The following LIMCH1 variants were observed in gnomAD, a reference collection of about 807,000 sequenced individuals.
LIMCH1 encodes LIM and calponin homology domains-containing protein 1.
In LIMCH1, 113 loss-of-function variants were observed where a neutral mutation model predicts 176.5. The ratio of observed to expected loss-of-function variants is 0.64; its 90% CI spans 0.55 to 0.75. LIMCH1 has a LOEUF of 0.75. LIMCH1 is among the 30% of genes least tolerant of loss of function. The pLI is 0.00. For missense variants in LIMCH1, 1,674 were observed against 1,814.9 expected (o/e 0.92, Z 1.41); for synonymous variants, 619 against 645.9 (o/e 0.96, Z 0.63).
intron 2 of LIMCH1, among the ~76,000 whole-genome samples, chr4:41,510,800 G>A (rs1433937676): frequency 6.6e-6 from 1 of 152,122 alleles, no homozygotes; most frequent in African/African-American, 2.4e-5. Flanking sequence ...TGTTGGGCAG[G>A]CTGGTCTCGA....
chr4:41,687,758 T>C, intron 28 of LIMCH1, 82 bp from the exon 29 acceptor site: 1 of 844,856 alleles, frequency 1.2e-6, no homozygotes, highest in East Asian at 2.5e-5. Flanking sequence ...TATTTTATTT[T>C]CCTAATCTAA....
intron 1 of LIMCH1, among the ~76,000 whole-genome samples, chr4:41,588,789 C>T (rs899903052): frequency 2.6e-5 from 4 of 152,168 alleles, no homozygotes; most frequent in South Asian, 4.1e-4. Flanking sequence ...TGGCAGAGAC[C>T]GAGAGCCTGT....
intron 23 of LIMCH1, among the ~76,000 whole-genome samples, chr4:41,677,356 C>T (rs746285447): frequency 6.6e-5 from 10 of 151,696 alleles, no homozygotes; most frequent in Non-Finnish European, 1.3e-4. Flanking sequence ...TGCAGTGAGC[C>T]GAGATCACGC....
chr4:41,465,365 C>T (rs2065962440), intron 1 of LIMCH1, among the ~76,000 whole-genome samples: 1 of 152,162 alleles, frequency 6.6e-6, no homozygotes, highest in South Asian at 2.1e-4. Flanking sequence ...TCAAGTCCCG[C>T]TGCCAGCACA....
At chr4:41,582,300 C>T (rs1227862761) in intron 1 of LIMCH1, among the ~76,000 whole-genome samples, 2 of 152,156 alleles carry the variant, frequency 1.3e-5, no homozygotes, top group African/African-American at 4.8e-5. Flanking sequence ...GAATCATGAT[C>T]CACAGGCACA....
intron 1 of LIMCH1, among the ~76,000 whole-genome samples, chr4:41,494,148 A>G (rs1235503241): frequency 1.3e-5 from 2 of 152,182 alleles, no homozygotes; most frequent in African/African-American, 4.8e-5. Flanking sequence ...GGTAGTAAAT[A>G]GAAAAAAAGG....
chr4:41,401,858 C>A (rs1316977978), intron 1 of LIMCH1, among the ~76,000 whole-genome samples: 3 of 152,114 alleles, frequency 2.0e-5, no homozygotes, highest in African/African-American at 7.2e-5. Flanking sequence ...TATAAGAATG[C>A]TTGTGATTTT....
chr4:41,385,434 G>C (rs2056357699), intron 1 of LIMCH1, among the ~76,000 whole-genome samples: 2 of 152,056 alleles, frequency 1.3e-5, no homozygotes, highest in Admixed American at 6.6e-5. Flanking sequence ...ATCATCATGG[G>C]TTTCCTTAAA....
At chr4:41,651,968 T>G (rs1257242753) in intron 18 of LIMCH1, among the ~76,000 whole-genome samples, 2 of 152,210 alleles carry the variant, frequency 1.3e-5, no homozygotes. Flanking sequence ...AGCCCTGCTT[T>G]CGGGGTACGG....
intron 2 of LIMCH1, among the ~76,000 whole-genome samples, chr4:41,507,074 C>T (rs1004311902): frequency 6.6e-5 from 10 of 152,258 alleles, no homozygotes; most frequent in South Asian, 4.1e-4. Context: ...GGGGTACATC[C>T]GTGTATTTAT....
intron 1 of LIMCH1, among the ~76,000 whole-genome samples, chr4:41,396,302 C>A (rs145771192): frequency 1.4e-4 from 22 of 152,194 alleles, no homozygotes; most frequent in African/African-American, 5.1e-4. Context: ...CAGATATAAC[C>A]CAAATAACAA....
At chr4:41,368,325 G>T in intron 1 of LIMCH1, among the ~76,000 whole-genome samples, 1 of 152,192 alleles carries the variant, frequency 6.6e-6, no homozygotes, top group Admixed American at 6.5e-5. Flanking sequence ...CTCCAACAAT[G>T]TGCAGCATAG....
intron 9 of LIMCH1, among the ~76,000 whole-genome samples, chr4:41,629,963 G>A (rs2093225695): frequency 6.6e-6 from 1 of 151,688 alleles, no homozygotes; most frequent in African/African-American, 2.4e-5. Context: ...ATGCCACTAT[G>A]CCTGGTTAAT....
chr4:41,637,687 G>A lies in LIMCH1; in HGVS notation c.2091-1245G>A, dbSNP rs559249822. On this transcript the variant is annotated intron_variant, in intron 13 of 31. Transcript: ENST00000503057. ...TTTTTGGCCATTTCAACAGAGATTT[G>A]GGGTTTTGCATTGGTATGGTTGCCT... 1.4e-4 allele frequency among the ~76,000 whole-genome samples: 21 copies of A among 152,216 alleles called. No individual in the cohort carries two copies. The South Asian group carries it at 3.3e-3, about 24-fold the overall frequency.
At chr4:41,435,021 A>G (rs2061941369) in intron 1 of LIMCH1, among the ~76,000 whole-genome samples, 1 of 152,338 alleles carries the variant, frequency 6.6e-6, no homozygotes, top group South Asian at 2.1e-4. Flanking sequence ...TGGCTATATT[A>G]TCTTATATGG....
chr4:41,462,616 C>T lies in LIMCH1; in HGVS notation c.97-31920C>T, dbSNP rs185696171. On this transcript the variant is annotated intron_variant, in intron 1 of 26. Transcript: ENST00000313860. ...AGCATACGTAAGTCATCAGTTGGTG[C>T]TAGATGTATCTTGAAATTTTGAACT... Among the ~76,000 whole-genome samples, 16 of 152,296 alleles carry T rather than the reference C, an allele frequency of 1.1e-4. No individual in the cohort carries two copies. In the East Asian group the frequency reaches 2.9e-3, roughly 28 times the overall value.
chr4:41,569,471 A>G (rs2083229253), intron 1 of LIMCH1, among the ~76,000 whole-genome samples: 1 of 152,206 alleles, frequency 6.6e-6, no homozygotes, highest in African/African-American at 2.4e-5. Flanking sequence ...GCAAGAGGGC[A>G]GAAAAATGCC....
intron 1 of LIMCH1, among the ~76,000 whole-genome samples, chr4:41,475,893 G>T (rs1325173856): frequency 6.6e-6 from 1 of 152,146 alleles, no homozygotes; most frequent in Admixed American, 6.5e-5. Flanking sequence ...TACAAAAAAA[G>T]ACATTAAAAA....
chr4:41,401,023 C>T (rs906936405), intron 1 of LIMCH1, among the ~76,000 whole-genome samples: 24 of 152,176 alleles, frequency 1.6e-4, no homozygotes, highest in Admixed American at 1.6e-3. Flanking sequence ...TGTGCAGAAG[C>T]TCTTTAGTTT....
Sources: gnomAD v4.1 joint callset for allele counts (sites outside exome capture counted in the v4.1 genomes callset) on GRCh38, gnomAD v4.1.1 for gene constraint, MANE v1.5 for transcripts, NCBI Gene and HGNC (gene_info 2026-07-23, HGNC 2026-07-21) for gene names.